Variants in SLFN5 observed in about 807,000 individuals in gnomAD.
The protein encoded by SLFN5 is schlafen family member 5.
SLFN5 carries 34 observed loss-of-function variants against 48.5 expected under a neutral mutation model. The observed-to-expected ratio is 0.70, with a 90% CI of 0.53 to 0.93. The LOEUF (loss-of-function observed/expected upper bound fraction) is 0.93. Ranked by LOEUF, SLFN5 falls within the 40% of genes least tolerant of loss-of-function variation. SLFN5 has a pLI of 0.00. For missense variants in SLFN5, 1,006 were observed against 1,071.3 expected, an observed-to-expected ratio of 0.94 and a Z score of 0.85; for synonymous variants, 387 against 396.2, an observed-to-expected ratio of 0.98 and a Z score of 0.28.
intron 1 of SLFN5, among the ~76,000 whole-genome samples, chr17:35,249,707 G>A (rs2092438167): frequency 6.6e-6 from 1 of 152,122 alleles, no homozygotes; most frequent in South Asian, 2.1e-4. Flanking sequence ...GTTTAATAGA[G>A]ACTTAATTTG....
At chr17:35,255,759 A>G (rs537099163) in intron 1 of SLFN5, among the ~76,000 whole-genome samples, 1 of 152,350 alleles carries the variant, frequency 6.6e-6, no homozygotes, top group East Asian at 1.9e-4. Context: ...TAAAATAAAC[A>G]CACATGTATT....
rs372648139 is a variant in SLFN5 at position 35,248,023 on chromosome 17, G to T, written c.-41+4880G>T. ...TGCCCAACTGTACGGTTGGGGACCT[G>T]AGACACAAAGTGCACAAGAATTATA... On this transcript the variant is annotated intron_variant, in intron 1 of 4. Transcript: ENST00000299977. Among the ~76,000 whole-genome samples the T allele has an allele frequency of 5.5e-4, 84 of 152,292 alleles. 1 individual carries two copies. In the South Asian group the frequency reaches 0.017, roughly 30 times the overall value.
At chr17:35,254,670 C>T (rs186318400) in intron 1 of SLFN5, among the ~76,000 whole-genome samples, 45 of 152,322 alleles carry the variant, frequency 3.0e-4, no homozygotes, top group African/African-American at 1.0e-3. Context: ...AACTTCCCTG[C>T]TCAAGTTTTC....
At chr17:35,261,177 A>G (rs1904511154) in intron 3 of SLFN5, 81 bp downstream of exon 3, 1 of 1,488,618 alleles carries the variant, frequency 6.7e-7, no homozygotes, top group Non-Finnish European at 9.0e-7. Flanking sequence ...TATATTATAT[A>G]CAGAATCAAT....
chr17:35,262,390 A>G (rs907996784), intron 3 of SLFN5, among the ~76,000 whole-genome samples: 20 of 151,920 alleles, frequency 1.3e-4, no homozygotes, highest in Non-Finnish European at 2.9e-4. Flanking sequence ...AAAAAAAAAA[A>G]AAAAAGAAAA....
In SLFN5 at chr17:35,267,280, T is replaced by C. The variant is rs1401491528; in HGVS notation, c.*1392T>C. On this transcript the variant is annotated 3_prime_UTR_variant, in exon 5 of 5. Coordinates refer to ENST00000299977, the MANE Select transcript of SLFN5 (RefSeq NM_144975.4). ...ATCACAGACTGTTCCTTTACCAATA[T>C]GTAAAAGAATGTGCAAAATTAGTAA... 1.3e-5 allele frequency: 2 copies of C among 152,234 alleles called. No individual in the cohort carries two copies. Among genetic ancestry groups the C allele is most frequent in the Non-Finnish European group, 2.9e-5 (2 of 68,044 alleles). 9.4% of individuals were successfully genotyped at this position (152,234 alleles called of 1,614,324 possible). A position where few individuals can be genotyped will look rare whatever the true frequency, so the allele number is the denominator to read the frequency against.
At chr17:35,243,352 C>T (rs989685889) in intron 1 of SLFN5, among the ~76,000 whole-genome samples, 1 of 152,158 alleles carries the variant, frequency 6.6e-6, no homozygotes, top group Admixed American at 6.5e-5. Context: ...GCAGAGGACC[C>T]GGGAGCTGGG....
intron 1 of SLFN5, among the ~76,000 whole-genome samples, chr17:35,243,488 A>G (rs893402162): frequency 6.6e-6 from 1 of 152,204 alleles, no homozygotes; most frequent in African/African-American, 2.4e-5. Context: ...TTAAGGGAAA[A>G]CGACGAAATC....
intron 1 of SLFN5, among the ~76,000 whole-genome samples, 194 bp from the exon 2 acceptor site, chr17:35,258,457 C>T (rs1162595683): frequency 6.6e-6 from 1 of 152,126 alleles, no homozygotes; most frequent in Non-Finnish European, 1.5e-5. Flanking sequence ...TCAATTATCT[C>T]CCACCGGCTT....
chr17:35,250,071 C>T (rs1439575410), intron 1 of SLFN5, among the ~76,000 whole-genome samples: 3 of 152,126 alleles, frequency 2.0e-5, no homozygotes, highest in Non-Finnish European at 4.4e-5. Flanking sequence ...ACTCCTGTCC[C>T]GCCAGCAAAG....
At chr17:35,251,980 T>C (rs1055530249) in intron 1 of SLFN5, among the ~76,000 whole-genome samples, 1 of 152,182 alleles carries the variant, frequency 6.6e-6, no homozygotes. Context: ...TCTGGTTGAA[T>C]CTTTACTCTC....
intron 2 of SLFN5, among the ~76,000 whole-genome samples, chr17:35,260,336 A>G (rs915997053): frequency 6.6e-6 from 1 of 151,308 alleles, no homozygotes; most frequent in African/African-American, 2.5e-5. Context: ...AAAGGTCCAG[A>G]AAAAACAAAG....
chr17:35,271,074 A>T lies in SLFN5; in HGVS notation c.*5186A>T, dbSNP rs1347648457. The T allele has an allele frequency of 6.6e-6, 1 of 152,226 alleles. No individual in the cohort carries two copies. Among genetic ancestry groups the T allele is most frequent in the Admixed American group, 6.5e-5 (1 of 15,282 alleles). The allele number at this position is 152,226 out of a possible 1,614,324, so 9.4% of individuals were successfully genotyped here. A position where few individuals can be genotyped will look rare whatever the true frequency, so the allele number is the denominator to read the frequency against. On this transcript the variant is annotated 3_prime_UTR_variant, in exon 5 of 5. Coordinates refer to ENST00000299977, the MANE Select transcript of SLFN5 (RefSeq NM_144975.4). ...TAGACGTAAGCAGAATACAGGTAGC[A>T]TATTCAAACTGCTGTGGAAAAACAA... is the stretch of plus-strand genomic sequence containing the variant.
At position 35,266,109 on chromosome 17, in the gene SLFN5, A is replaced by T. The variant is rs948378891; in HGVS notation, c.*221A>T. On this transcript the variant is annotated 3_prime_UTR_variant, in exon 5 of 5. Transcript: ENST00000299977. ...AAGGAATTTCCCATGGTAAAAAGGG[A>T]TATCAGTAATTAGAGGACCGTGAGA... 2 of 534,838 alleles carry T rather than the reference A, an allele frequency of 3.7e-6. No individual in the cohort carries two copies. Among genetic ancestry groups the T allele is most frequent in the Non-Finnish European group, 6.6e-6 (2 of 304,718 alleles). The allele number at this position is 534,838 out of a possible 1,614,324, so 33.1% of individuals were successfully genotyped here. A position where few individuals can be genotyped will look rare whatever the true frequency, so the allele number is the denominator to read the frequency against.
Position 35,273,378 on chromosome 17 carries a change from C to G in SLFN5, c.*7490C>G, listed in dbSNP as rs1176101128. The G allele has an allele frequency of 6.6e-6, 1 of 152,068 alleles. No homozygotes were observed. The highest frequency in any genetic ancestry group is 1.5e-5 in the Non-Finnish European group (1 of 68,002). 9.4% of individuals were successfully genotyped at this position (152,068 alleles called of 1,614,324 possible). ...TTTTTATGACTTTTGGATTCTGTAC[C>G]ACGTAATAATTTTGATGTAAATTTT... On this transcript the variant is annotated 3_prime_UTR_variant, in exon 5 of 5. Coordinates refer to ENST00000299977, the MANE Select transcript of SLFN5 (RefSeq NM_144975.4).
At chr17:35,253,329 C>T (rs1425363875) in intron 1 of SLFN5, among the ~76,000 whole-genome samples, 2 of 150,668 alleles carry the variant, frequency 1.3e-5, no homozygotes, top group Admixed American at 1.3e-4. Flanking sequence ...ATAAAAGATA[C>T]TGTTTATTTC....
At chr17:35,252,407 A>T (rs2092444501) in intron 1 of SLFN5, among the ~76,000 whole-genome samples, 1 of 152,178 alleles carries the variant, frequency 6.6e-6, no homozygotes, top group Admixed American at 6.5e-5. Context: ...TGGGTGACAG[A>T]GTGAAAAGCC....
chr17:35,259,571 G>C lies in SLFN5; in HGVS notation c.881G>C (p.Cys294Ser), dbSNP rs1205379404. The C allele has an allele frequency of 1.1e-5, 17 of 1,613,616 alleles. No individual in the cohort carries two copies. Among genetic ancestry groups the C allele is most frequent in the Non-Finnish European group, 1.4e-5 (16 of 1,180,022 alleles). ...AAGGGGGCCCTCCGTGGATATGTCT[G>C]TGCAATCAAGGTGGAGAAATTCTGC... ...HDKGALRGYVCAIKVEKFCCA... is the reference protein window; with the variant it reads ...HDKGALRGYVSAIKVEKFCCA... The change falls in exon 2 of 5, where the codon TGT becomes TCT. Residue 294 changes from cysteine to serine, a missense_variant. Transcript: ENST00000299977.
rs770258713 is a variant in SLFN5 at position 35,259,720 on chromosome 17, A to G, written c.1012+18A>G. On this transcript the variant is annotated intron_variant, in intron 2 of 4. Coordinates refer to ENST00000299977, the MANE Select transcript of SLFN5 (RefSeq NM_144975.4). ...TGACCCAGGTTAGGGAGCAATATCCACAATGGTTGTAATGTTTGCTGGCAG... is the reference window on the plus strand; with the variant it reads ...TGACCCAGGTTAGGGAGCAATATCCGCAATGGTTGTAATGTTTGCTGGCAG... 2 of 1,596,888 alleles carry G rather than the reference A, an allele frequency of 1.3e-6. No individual in the cohort carries two copies. The highest frequency in any genetic ancestry group is 1.7e-6 in the Non-Finnish European group (2 of 1,177,846).
Sources: gnomAD v4.1 joint callset for allele counts (sites outside exome capture counted in the v4.1 genomes callset) on GRCh38, gnomAD v4.1.1 for gene constraint, MANE v1.5 for transcripts, NCBI Gene and HGNC (gene_info 2026-07-23, HGNC 2026-07-21) for gene names.